The following SPIDR variants were observed in gnomAD, a reference collection of about 807,000 sequenced individuals.
The protein encoded by SPIDR is DNA repair-scaffolding protein.
Under a neutral mutation model 104.6 loss-of-function variants are expected in SPIDR, and 93 were observed. The ratio of observed to expected loss-of-function variants is 0.89; its 90% CI spans 0.75 to 1.06. The LOEUF (loss-of-function observed/expected upper bound fraction) is 1.06. Among genes scored for constraint, SPIDR ranks in the 50% least tolerant of loss-of-function variants. SPIDR has a pLI of 0.00. For missense variants in SPIDR, 1,154 were observed against 1,111.2 expected, an observed-to-expected ratio of 1.04 and a Z score of -0.55; for synonymous variants, 431 against 416.9, an observed-to-expected ratio of 1.03 and a Z score of -0.41.
chr8:47,561,298 G>GT (rs2057042230), intron 8 of SPIDR, among the ~76,000 whole-genome samples: 1 of 152,128 alleles, frequency 6.6e-6, no homozygotes. Flanking sequence ...TTCTTTTGGA[G>GT]TTTCCACCTG....
chr8:47,497,083 A>G (rs932625128), intron 8 of SPIDR, among the ~76,000 whole-genome samples: 5 of 151,860 alleles, frequency 3.3e-5, no homozygotes, highest in Admixed American at 6.6e-5. Context: ...GATTTTCACA[A>G]TTTGAGCCTT....
chr8:47,494,522 A>G (rs1285355517), intron 8 of SPIDR, among the ~76,000 whole-genome samples: 3 of 152,134 alleles, frequency 2.0e-5, no homozygotes, highest in Non-Finnish European at 4.4e-5. Flanking sequence ...ATACTTTCAG[A>G]TTTCATATTG....
At chr8:47,284,614 T>C (rs2038456990) in intron 3 of SPIDR, among the ~76,000 whole-genome samples, 1 of 152,218 alleles carries the variant, frequency 6.6e-6, no homozygotes, top group Non-Finnish European at 1.5e-5. Flanking sequence ...CTAGATTCTT[T>C]CTGAATTCTG....
chr8:47,301,237 A>G (rs1159244654), intron 5 of SPIDR, among the ~76,000 whole-genome samples: 2 of 152,092 alleles, frequency 1.3e-5, no homozygotes, highest in African/African-American at 4.8e-5. Flanking sequence ...TGTTGGCTTA[A>G]AGTCTGTTTT....
At chr8:47,270,156 G>A (rs2034996289) in intron 1 of SPIDR, among the ~76,000 whole-genome samples, 1 of 152,162 alleles carries the variant, frequency 6.6e-6, no homozygotes, top group African/African-American at 2.4e-5. Context: ...TGGTTTCATG[G>A]TGTGAATTAG....
At chr8:47,409,002 A>G (rs1554669293) in intron 7 of SPIDR, among the ~76,000 whole-genome samples, 1 of 152,162 alleles carries the variant, frequency 6.6e-6, no homozygotes, top group African/African-American at 2.4e-5. Context: ...CCTGGCCAAC[A>G]TGGTGAAACC....
intron 11 of SPIDR, among the ~76,000 whole-genome samples, chr8:47,674,666 C>T (rs900124806): frequency 3.3e-5 from 5 of 152,162 alleles, no homozygotes; most frequent in South Asian, 2.1e-4. Flanking sequence ...ATAACAGTAT[C>T]GGAAGGAGGA....
At chr8:47,735,209 G>A in intron 19 of SPIDR, 98 bp from the exon 20 acceptor site, 1 of 1,182,838 alleles carries the variant, frequency 8.5e-7, no homozygotes, top group Middle Eastern at 2.0e-4. Flanking sequence ...GTGGACTGGG[G>A]AAAGGGCCTT....
At chr8:47,667,154 G>A (rs1267552814) in intron 10 of SPIDR, among the ~76,000 whole-genome samples, 2 of 152,056 alleles carry the variant, frequency 1.3e-5, no homozygotes, top group African/African-American at 2.4e-5. Flanking sequence ...GGTGGTGCAC[G>A]CCTGTAGTCC....
intron 5 of SPIDR, among the ~76,000 whole-genome samples, chr8:47,303,220 C>T (rs1413297933): frequency 1.3e-5 from 2 of 152,200 alleles, no homozygotes; most frequent in Admixed American, 6.5e-5. Context: ...GAGCGAGGCT[C>T]CGTGGGCGTA....
At chr8:47,618,684 T>C (rs2064700454) in intron 10 of SPIDR, among the ~76,000 whole-genome samples, 1 of 152,162 alleles carries the variant, frequency 6.6e-6, no homozygotes. Context: ...TGTGTGTACT[T>C]TGAGGTAAGA....
intron 8 of SPIDR, among the ~76,000 whole-genome samples, chr8:47,510,714 T>A (rs1038429274): frequency 1.3e-5 from 2 of 152,236 alleles, no homozygotes; most frequent in African/African-American, 2.4e-5. Flanking sequence ...ATTATGTGTA[T>A]GTTTGGAATT....
chr8:47,446,962 T>C (rs185731666), intron 8 of SPIDR, among the ~76,000 whole-genome samples: 14 of 152,228 alleles, frequency 9.2e-5, no homozygotes, highest in African/African-American at 3.4e-4. Flanking sequence ...TTAAGAACAT[T>C]CATGATTCAT....
At chr8:47,724,509 G>T (rs2083910051) in intron 16 of SPIDR, among the ~76,000 whole-genome samples, 1 of 152,176 alleles carries the variant, frequency 6.6e-6, no homozygotes, top group Admixed American at 6.5e-5. Flanking sequence ...GTTCTGCTCT[G>T]CCCTGGTCCA....
At chr8:47,384,978 A>ATTTTG (rs1217284246) in intron 5 of SPIDR, among the ~76,000 whole-genome samples, 1 of 151,858 alleles carries the variant, frequency 6.6e-6, no homozygotes, top group Non-Finnish European at 1.5e-5. Flanking sequence ...TTCTCCCTCC[A>ATTTTG]TTTTGTTTTG....
At chr8:47,412,487 T>G (rs1266505477) in intron 7 of SPIDR, among the ~76,000 whole-genome samples, 1 of 152,206 alleles carries the variant, frequency 6.6e-6, no homozygotes, top group Non-Finnish European at 1.5e-5. Context: ...GAATGCTTTC[T>G]TTCCAATATT....
At chr8:47,271,301 T>C (rs371036527) in intron 1 of SPIDR, among the ~76,000 whole-genome samples, 46 of 152,300 alleles carry the variant, frequency 3.0e-4, no homozygotes, top group African/African-American at 1.1e-3. Context: ...AATATTCTTT[T>C]TACCTCTGTC....
At position 47,526,060 on chromosome 8, in the gene SPIDR, G is replaced by A. The variant is rs141141011; in HGVS notation, c.1098-69751G>A. Among the ~76,000 whole-genome samples, 418 of 152,278 alleles carry A rather than the reference G, an allele frequency of 2.7e-3. 7 individuals carry two copies. Among genetic ancestry groups the A allele is most frequent in the Admixed American group, 0.024 (368 of 15,300 alleles). On this transcript the variant is annotated intron_variant, in intron 8 of 19. Transcript: ENST00000297423. The stretch of plus-strand genomic sequence containing the variant: ...GTGGCACCAGCCTATGTGTCCTTAC[G>A]AATCTTGTATTCCCCTGAGTTAAAC...
intron 10 of SPIDR, among the ~76,000 whole-genome samples, chr8:47,661,643 G>A (rs116219281): frequency 3.4e-3 from 512 of 152,344 alleles, no homozygotes; most frequent in African/African-American, 0.012. Flanking sequence ...GTGTCTGCTG[G>A]TTGTCTTGCA....
Sources: gnomAD v4.1 joint callset for allele counts (sites outside exome capture counted in the v4.1 genomes callset) on GRCh38, gnomAD v4.1.1 for gene constraint, MANE v1.5 for transcripts, NCBI Gene and HGNC (gene_info 2026-07-23, HGNC 2026-07-21) for gene names.